Variants in CYBB observed in about 807,000 individuals in gnomAD.
CYBB encodes cytochrome b-245 beta chain, also known as NADPH oxidase 2.
A neutral mutation model predicts 46.5 loss-of-function variants in CYBB; 5 were observed. That is an observed-to-expected ratio of 0.11 (90% confidence interval 0.06 to 0.23). The LOEUF is 0.23. Ranked by LOEUF, CYBB falls within the 10% of genes least tolerant of loss-of-function variation. The probability of loss-of-function intolerance (pLI) is 1.00; values close to 1 mark genes in which losing one functional copy is unlikely to be tolerated. For missense variants in CYBB, 307 were observed against 428.3 expected, an observed-to-expected ratio of 0.72 and a Z score of 2.50; for synonymous variants, 183 against 156.7, an observed-to-expected ratio of 1.17 and a Z score of -1.26.
chrX:37,790,958 C>T (rs2146808690), intron 3 of CYBB, among the ~76,000 whole-genome samples: 1 of 111,493 alleles, frequency 9.0e-6, no homozygotes, highest in Non-Finnish European at 1.9e-5. Context: ...AACCATAAAT[C>T]AGTTTAAATC....
chrX:37,808,825 A>C (rs1556472422), intron 11 of CYBB, among the ~76,000 whole-genome samples: 1 of 112,412 alleles, frequency 8.9e-6, no homozygotes, highest in Non-Finnish European at 1.9e-5. Context: ...AAAAGTAATT[A>C]TTTTGCTTTG....
At chrX:37,803,810 A>G (rs954176527) in intron 8 of CYBB, 67 bp from the exon 9 acceptor site, 2 of 1,143,596 alleles carry the variant, frequency 1.7e-6, no homozygotes, top group South Asian at 1.8e-5. Context: ...TTTTTTATCC[A>G]TATGGACACT....
At chrX:37,793,952 A>C (rs1929249563) in intron 5 of CYBB, 142 bp downstream of exon 5, 2 of 518,502 alleles carry the variant, frequency 3.9e-6, no homozygotes, top group East Asian at 7.2e-5. Flanking sequence ...GGTTACAATA[A>C]TGGGAGTATA....
chrX:37,810,786 A>G lies in CYBB; in HGVS notation c.1587-5A>G, dbSNP rs1569480397. The G allele has an allele frequency of 1.7e-6, 2 of 1,207,935 alleles. No individual in the cohort carries two copies. The highest frequency in any genetic ancestry group is 5.9e-5 in the East Asian group (2 of 33,728). On this transcript the variant is annotated splice_polypyrimidine_tract_variant and splice_region_variant and intron_variant, in intron 12 of 12. Transcript: ENST00000378588. The stretch of plus-strand genomic sequence containing the variant: ...GAAATTGTCTTTTTTTTTCTTTCCC[A>G]AAAGTACCAGAATAGGAGTTTTCCT...
chrX:37,808,607 A>G (rs1208014034), intron 11 of CYBB, among the ~76,000 whole-genome samples: 1 of 112,405 alleles, frequency 8.9e-6, no homozygotes, highest in Admixed American at 9.5e-5. Flanking sequence ...TAGCAAATAT[A>G]GATTAGGGAA....
chrX:37,799,843 A>G (rs1489126939), intron 7 of CYBB, among the ~76,000 whole-genome samples: 1 of 111,824 alleles, frequency 8.9e-6, no homozygotes, highest in Non-Finnish European at 1.9e-5. Context: ...GTATAAAACT[A>G]GGCAAAAATC....
intron 7 of CYBB, among the ~76,000 whole-genome samples, chrX:37,799,466 C>T (rs1929391594): frequency 9.0e-6 from 1 of 111,544 alleles, no homozygotes. Context: ...GAGCAAAGGG[C>T]CTCTTCAGAT....
In CYBB at chrX:37,793,645, C is replaced by T. The variant is rs1556467638; in HGVS notation, c.338-20C>T. 1 of 1,206,295 alleles carries T rather than the reference C, an allele frequency of 8.3e-7. No individual in the cohort carries two copies. Among genetic ancestry groups the T allele is most frequent in the South Asian group, 1.8e-5 (1 of 56,894 alleles). On this transcript the variant is annotated intron_variant, in intron 4 of 12. Coordinates refer to ENST00000378588, the MANE Select transcript of CYBB (RefSeq NM_000397.4). ...TTCATACCCTTCATTCTCTTTGTTT[C>T]TCTTCTCTGCCCTTTTCAGCGATTC...
intron 8 of CYBB, among the ~76,000 whole-genome samples, chrX:37,802,892 G>A (rs185176919): frequency 2.7e-5 from 3 of 111,730 alleles, no homozygotes; most frequent in Non-Finnish European, 3.8e-5. Flanking sequence ...GAAGTCTTAG[G>A]AATCATCAAA....
chrX:37,806,558 G>A (rs1556471730), intron 11 of CYBB, 25 bp downstream of exon 11: 1 of 1,193,850 alleles, frequency 8.4e-7, no homozygotes, highest in Admixed American at 2.2e-5. Flanking sequence ...CCAAGGCTCA[G>A]GTCCTTCCCA....
At chrX:37,788,235 A>G (rs1556465948) in intron 3 of CYBB, among the ~76,000 whole-genome samples, 1 of 111,740 alleles carries the variant, frequency 8.9e-6, no homozygotes, top group Non-Finnish European at 1.9e-5. Context: ...CCACAACAAA[A>G]CCATATTCGT....
intron 10 of CYBB, among the ~76,000 whole-genome samples, chrX:37,805,871 T>C (rs1483268464): frequency 1.8e-5 from 2 of 112,182 alleles, no homozygotes; most frequent in Non-Finnish European, 3.8e-5. Context: ...CTCAGGCCAT[T>C]CTAATAACTG....
At chrX:37,784,238 A>G (rs1193110211) in intron 3 of CYBB, among the ~76,000 whole-genome samples, 4 of 112,242 alleles carry the variant, frequency 3.6e-5, no homozygotes, top group Non-Finnish European at 5.6e-5. Flanking sequence ...GTATTATTGT[A>G]CAAAGATGAC....
Position 37,793,777 on chromosome X carries a change from A to C in CYBB, c.450A>C (p.Glu150Asp). 8.3e-7 allele frequency: 1 copy of C among 1,208,442 alleles called. No homozygotes were observed. The highest frequency in any genetic ancestry group is 1.1e-6 in the Non-Finnish European group (1 of 893,658). The part of the protein sequence containing the change: ...ALSELGDRQN[E>D]SYLNFARKRI... ...CTGAACTTGGAGACAGGCAAAATGA[A>C]AGTTATCTCAATTTTGCTCGAAAGA... Residue 150 changes from glutamate to aspartate, a missense_variant, in exon 5 of 13, where the codon GAA becomes GAC. By Grantham distance (45) the Glu-to-Asp change is conservative. This residue lies in a region of CYBB where 103 missense variants were observed against 150.2 expected (regional missense o/e 0.69). Coordinates refer to ENST00000378588, the MANE Select transcript of CYBB (RefSeq NM_000397.4).
Position 37,783,236 on chromosome X carries a change from A to G in CYBB, c.142-254A>G, listed in dbSNP as rs183259391. Among the ~76,000 whole-genome samples the G allele has an allele frequency of 1.9e-3, 207 of 111,887 alleles. 1 individual carries two copies. The highest frequency in any genetic ancestry group is 3.4e-3 in the Admixed American group (36 of 10,556). On this transcript the variant is annotated intron_variant, in intron 2 of 12. Coordinates refer to ENST00000378588, the MANE Select transcript of CYBB (RefSeq NM_000397.4). ...ATGAATAAACAGGTATTTATTGTAAATTTCCTTCAACTTGTCTTTATGTTT... is the reference window on the plus strand; with the variant it reads ...ATGAATAAACAGGTATTTATTGTAAGTTTCCTTCAACTTGTCTTTATGTTT...
intron 11 of CYBB, 120 bp downstream of exon 11, chrX:37,806,653 G>T: frequency 1.5e-6 from 1 of 675,541 alleles, no homozygotes; most frequent in South Asian, 2.3e-5. Context: ...TGGATTTGGT[G>T]ATCCGGTCCA....
Position 37,796,179 on chromosome X carries a change from C to T in CYBB, c.674+38C>T, listed in dbSNP as rs553834171. 7 of 1,119,211 alleles carry T rather than the reference C, an allele frequency of 6.3e-6. No homozygotes were observed. In the South Asian group the frequency reaches 1.1e-4, roughly 17 times the overall value. 92.2% of individuals were successfully genotyped at this position (1,119,211 alleles called of 1,213,427 possible). On this transcript the variant is annotated intron_variant, in intron 6 of 12. Coordinates refer to ENST00000378588, the MANE Select transcript of CYBB (RefSeq NM_000397.4). ...ATTCTGAAGTGAAGGATTTCATGTC[C>T]CTCAATTTCTAGGCAGGATGCTCCA...
chrX:37,786,683 C>T (rs182233534), intron 3 of CYBB, among the ~76,000 whole-genome samples: 1 of 111,191 alleles, frequency 9.0e-6, no homozygotes, highest in East Asian at 2.8e-4. Context: ...AAGCTCAGCA[C>T]ACAAAAATCT....
At chrX:37,808,235 C>G (rs1055537118) in intron 11 of CYBB, among the ~76,000 whole-genome samples, 2 of 111,675 alleles carry the variant, frequency 1.8e-5, no homozygotes, top group Non-Finnish European at 1.9e-5. Context: ...GTTTGGTTGT[C>G]TAGCAAAGGC....
Sources: allele counts gnomAD v4.1 joint callset (sites outside exome capture counted in the v4.1 genomes callset), GRCh38; gene constraint gnomAD v4.1.1; regional missense constraint gnomAD v4.1.1; transcripts MANE v1.5; gene names NCBI Gene and HGNC (gene_info 2026-07-23, HGNC 2026-07-21).